Variants in ZC2HC1A observed in about 807,000 individuals in gnomAD.
ZC2HC1A encodes zinc finger C2HC-type containing 1A, also known as zinc finger C2HC domain-containing protein 1A.
Under a neutral mutation model 40.7 loss-of-function variants are expected in ZC2HC1A, and 28 were observed. The ratio of observed to expected loss-of-function variants is 0.69; its 90% CI spans 0.51 to 0.94. ZC2HC1A has a LOEUF of 0.94. ZC2HC1A is among the 40% of genes least tolerant of loss of function. The pLI, the probability that ZC2HC1A is intolerant of heterozygous loss-of-function variation, is 0.00. For missense variants in ZC2HC1A, 389 were observed against 386.3 expected, an observed-to-expected ratio of 1.01 and a Z score of -0.06; for synonymous variants, 129 against 129.2, an observed-to-expected ratio of 1.00 and a Z score of 0.01.
At chr8:78,706,601 CCT>C (rs1355672504) in intron 7 of ZC2HC1A, among the ~76,000 whole-genome samples, 1 of 152,208 alleles carries the variant, frequency 6.6e-6, no homozygotes, top group African/African-American at 2.4e-5. Flanking sequence ...TGTCATCCTG[CCT>C]CTCTTTTCTT....
At chr8:78,683,976 A>G (rs1809871786) in intron 3 of ZC2HC1A, among the ~76,000 whole-genome samples, 1 of 152,150 alleles carries the variant, frequency 6.6e-6, no homozygotes, top group Non-Finnish European at 1.5e-5. Context: ...TCCATCTGAG[A>G]CCACCTTAGC....
At chr8:78,690,416 T>C (rs1289414410) in intron 5 of ZC2HC1A, among the ~76,000 whole-genome samples, 1 of 152,010 alleles carries the variant, frequency 6.6e-6, no homozygotes, top group Non-Finnish European at 1.5e-5. Context: ...AAAAATTAGC[T>C]GGACGTGGTG....
At position 78,666,138 on chromosome 8, in the gene ZC2HC1A, G is replaced by A; in HGVS notation, c.-11G>A. ...CTGAAGGAGTCTCGCTGAGCTCGAG[G>A]AGGTGGCGCGATGGAGGGACTGGAA... On this transcript the variant is annotated 5_prime_UTR_variant, in exon 1 of 9. Transcript: ENST00000263849. The A allele has an allele frequency of 6.4e-7, 1 of 1,570,332 alleles. No individual in the cohort carries two copies. Among genetic ancestry groups the A allele is most frequent in the Non-Finnish European group, 8.6e-7 (1 of 1,157,822 alleles).
At chr8:78,688,234 T>C (rs865890099) in intron 4 of ZC2HC1A, among the ~76,000 whole-genome samples, 1 of 152,030 alleles carries the variant, frequency 6.6e-6, no homozygotes, top group Non-Finnish European at 1.5e-5. Context: ...TATTTAGATA[T>C]TGTGTCTTAA....
At chr8:78,685,667 G>T (rs921996223) in intron 3 of ZC2HC1A, among the ~76,000 whole-genome samples, 10 of 152,148 alleles carry the variant, frequency 6.6e-5, no homozygotes, top group Non-Finnish European at 1.5e-4. Flanking sequence ...ATTTAAAAAG[G>T]TGCTCAGTCT....
At position 78,666,094 on chromosome 8, in the gene ZC2HC1A, T is replaced by G. The variant is rs543341787; in HGVS notation, c.-55T>G. 1 of 1,554,768 alleles carries G rather than the reference T, an allele frequency of 6.4e-7. No individual in the cohort carries two copies. The highest frequency in any genetic ancestry group is 2.4e-5 in the East Asian group (1 of 41,534). The stretch of plus-strand genomic sequence containing the variant: ...GCGGCTGGGTTGCTACAGCCAGAGC[T>G]GGGCGGTGGCGGGCGCTGCTGAAGG... On this transcript the variant is annotated 5_prime_UTR_variant, in exon 1 of 9. Transcript: ENST00000263849.
In ZC2HC1A at chr8:78,668,130, G is replaced by C. The variant is rs1563616891; in HGVS notation, c.16+1966G>C. ...AAGCTCTTGAGAATTTTCTGTTGAA[G>C]TTAGGATGGTGCCTTTCTCTCCTTC... On this transcript the variant is annotated intron_variant, in intron 1 of 8. Coordinates refer to ENST00000263849, the MANE Select transcript of ZC2HC1A (RefSeq NM_016010.3). 2.6e-5 allele frequency among the ~76,000 whole-genome samples: 4 copies of C among 152,014 alleles called. No individual in the cohort carries two copies. In the East Asian group the frequency reaches 7.7e-4, roughly 29 times the overall value.
intron 8 of ZC2HC1A, 24 bp from the exon 9 acceptor site, chr8:78,717,304 T>C: frequency 6.3e-7 from 1 of 1,596,764 alleles, no homozygotes; most frequent in Non-Finnish European, 8.5e-7. Context: ...ACTTTATCTT[T>C]TCATTGTTTC....
intron 7 of ZC2HC1A, among the ~76,000 whole-genome samples, chr8:78,701,402 A>G (rs562291711): frequency 6.6e-6 from 1 of 152,314 alleles, no homozygotes; most frequent in East Asian, 1.9e-4. Flanking sequence ...GGCTGATATA[A>G]TGGGGTTTTC....
chr8:78,698,930 T>C (rs1226757467), intron 7 of ZC2HC1A, among the ~76,000 whole-genome samples: 1 of 152,172 alleles, frequency 6.6e-6, no homozygotes, highest in Non-Finnish European at 1.5e-5. Context: ...CAAAGCCACA[T>C]AGCTGTTAAA....
chr8:78,706,508 G>C (rs371110615), intron 7 of ZC2HC1A, among the ~76,000 whole-genome samples: 1 of 152,254 alleles, frequency 6.6e-6, no homozygotes, highest in South Asian at 2.1e-4. Flanking sequence ...TTGGAGAAGC[G>C]TGGTTTCCCA....
At chr8:78,717,214 TA>T in intron 8 of ZC2HC1A, 113 bp from the exon 9 acceptor site, 2 of 975,010 alleles carry the variant, frequency 2.1e-6, no homozygotes, top group Non-Finnish European at 2.9e-6. Context: ...AGAGGAATAT[TA>T]AAAACGAGAT....
chr8:78,716,270 C>T (rs1392385598), intron 8 of ZC2HC1A, among the ~76,000 whole-genome samples: 1 of 151,278 alleles, frequency 6.6e-6, no homozygotes, highest in Non-Finnish European at 1.5e-5. Flanking sequence ...CTACAGGCGC[C>T]CGCCACCACG....
Position 78,678,555 on chromosome 8 carries a change from C to G in ZC2HC1A, c.94-8C>G, listed in dbSNP as rs368489549. 29 of 1,599,052 alleles carry G rather than the reference C, an allele frequency of 1.8e-5. No homozygotes were observed. Among genetic ancestry groups the G allele is most frequent in the Non-Finnish European group, 2.4e-5 (28 of 1,173,706 alleles). On this transcript the variant is annotated splice_region_variant and splice_polypyrimidine_tract_variant and intron_variant, in intron 2 of 8. Coordinates refer to ENST00000263849, the MANE Select transcript of ZC2HC1A (RefSeq NM_016010.3). ...AAAATGATAGGCTGCATTTCTTTAT[C>G]TTAACAGAAAAAACATGGACCCATT...
chr8:78,704,059 T>A (rs1427564469), intron 7 of ZC2HC1A, among the ~76,000 whole-genome samples: 1 of 152,180 alleles, frequency 6.6e-6, no homozygotes, highest in Non-Finnish European at 1.5e-5. Context: ...TTTGGCCTGA[T>A]ATGAAATTTT....
At chr8:78,669,608 A>C (rs2369438) in intron 1 of ZC2HC1A, among the ~76,000 whole-genome samples, 1 of 152,140 alleles carries the variant, frequency 6.6e-6, no homozygotes, top group African/African-American at 2.4e-5. Flanking sequence ...TTCAAAAGAG[A>C]GCTTCAGATT....
rs2369441 is a variant in ZC2HC1A, at chr8:78,682,679, A to G, written c.211-3788A>G. ...ATCATTCTGTCCCTGGCCACTCCCA[A>G]ATTTCATGCCCTCACATTTCAAAAC... is the stretch of plus-strand genomic sequence containing the variant. On this transcript the variant is annotated intron_variant, in intron 3 of 8. Transcript: ENST00000263849. Among the ~76,000 whole-genome samples the G allele has an allele frequency of 6.1e-3, 934 of 152,180 alleles. 8 individuals carry two copies. The highest frequency in any genetic ancestry group is 0.021 in the African/African-American group (885 of 41,514).
In ZC2HC1A at chr8:78,715,228, G is replaced by A. The variant is rs375752713; in HGVS notation, c.712G>A (p.Val238Ile). ...TTTTCCTCTTTTTTATAGAGCTAAT[G>A]TCAAACCCCGAAATTCCACACCACC... ...GIAAPHAGAN[V>I]KPRNSTPPSL... Residue 238 changes from valine (V) to isoleucine (I), a missense_variant, in exon 8 of 9, where the codon GTC becomes ATC. Coordinates refer to ENST00000263849, the MANE Select transcript of ZC2HC1A (RefSeq NM_016010.3). The A allele has an allele frequency of 9.3e-5, 150 of 1,613,142 alleles. No individual in the cohort carries two copies. Among genetic ancestry groups the A allele is most frequent in the Non-Finnish European group, 1.2e-4 (136 of 1,179,734 alleles).
chr8:78,684,239 C>A (rs750964245), intron 3 of ZC2HC1A, among the ~76,000 whole-genome samples: 3 of 152,120 alleles, frequency 2.0e-5, no homozygotes, highest in Non-Finnish European at 4.4e-5. Flanking sequence ...TGAGACTAGG[C>A]AATTTATAAA....
Sources: gnomAD v4.1 joint callset for allele counts (sites outside exome capture counted in the v4.1 genomes callset) on GRCh38, gnomAD v4.1.1 for gene constraint, MANE v1.5 for transcripts, NCBI Gene and HGNC (gene_info 2026-07-23, HGNC 2026-07-21) for gene names.